The following TCF7L2 variants were observed in gnomAD, a reference collection of about 807,000 sequenced individuals.
TCF7L2 encodes transcription factor 7-like 2.
A neutral mutation model predicts 77.9 loss-of-function variants in TCF7L2; 23 were observed. The ratio of observed to expected loss-of-function variants is 0.30; its 90% CI spans 0.21 to 0.42. TCF7L2 has a LOEUF of 0.42. Among genes scored for constraint, TCF7L2 ranks in the 10% least tolerant of loss-of-function variants. The probability of loss-of-function intolerance (pLI) is 1.00; values close to 1 mark genes in which losing one functional copy is unlikely to be tolerated. For synonymous variants in TCF7L2, 413 were observed against 340.2 expected (o/e 1.21, Z -2.36); for missense variants, 654 against 793.1 (o/e 0.82, Z 2.11).
At chr10:112,978,297 T>G (rs530869208) in intron 4 of TCF7L2, among the ~76,000 whole-genome samples, 1 of 152,248 alleles carries the variant, frequency 6.6e-6, no homozygotes, top group Admixed American at 6.5e-5. Flanking sequence ...TTGCACATAG[T>G]GGGTGCTGAA....
chr10:113,050,506 G>A (rs1423264518), intron 5 of TCF7L2, among the ~76,000 whole-genome samples: 1 of 152,108 alleles, frequency 6.6e-6, no homozygotes, highest in Non-Finnish European at 1.5e-5. Flanking sequence ...GAAAGGAGAC[G>A]CCAACCTTGA....
intron 5 of TCF7L2, among the ~76,000 whole-genome samples, chr10:113,067,479 C>G (rs930910770): frequency 1.3e-5 from 2 of 152,162 alleles, no homozygotes; most frequent in African/African-American, 4.8e-5. Flanking sequence ...CCTCTTCCCC[C>G]ACAAGAAATA....
chr10:112,951,279 T>C lies in TCF7L2; in HGVS notation c.256+6T>C. The C allele has an allele frequency of 7.0e-7, 1 of 1,433,852 alleles. No homozygotes were observed. The highest frequency in any genetic ancestry group is 9.2e-7 in the Non-Finnish European group (1 of 1,084,460). The allele number at this position is 1,433,852 out of a possible 1,614,324, so 88.8% of individuals were successfully genotyped here. A position where few individuals can be genotyped will look rare whatever the true frequency, so the allele number is the denominator to read the frequency against. On this transcript the variant is annotated splice_donor_region_variant and intron_variant, in intron 2 of 13. Coordinates refer to ENST00000627217, the MANE Select transcript of TCF7L2 (RefSeq NM_001146274.2). Reference sequence around the variant, plus strand: ...CCGGGAAAGTTTGGAAGAAGGTGAGTACGCCCCGCGCGCCCCGCAGCCGCC... The same window carrying C: ...CCGGGAAAGTTTGGAAGAAGGTGAGCACGCCCCGCGCGCCCCGCAGCCGCC...
intron 5 of TCF7L2, chr10:113,129,548 C>T (rs1450710263): frequency 9.9e-7 from 1 of 1,011,414 alleles, no homozygotes; most frequent in African/African-American, 1.7e-5. Flanking sequence ...TATTAGTGGA[C>T]TTTTTTGTTT....
chr10:113,019,284 G>A (rs147723986), intron 4 of TCF7L2, among the ~76,000 whole-genome samples: 12 of 152,310 alleles, frequency 7.9e-5, no homozygotes, highest in African/African-American at 2.6e-4. Context: ...GTCAGTCAGG[G>A]GTTAACAGTC....
At chr10:113,128,889 G>T (rs571992982) in intron 5 of TCF7L2, among the ~76,000 whole-genome samples, 5 of 152,258 alleles carry the variant, frequency 3.3e-5, no homozygotes, top group African/African-American at 1.2e-4. Context: ...AGTAAGTCGG[G>T]TTTGTGGAAT....
intron 4 of TCF7L2, among the ~76,000 whole-genome samples, chr10:113,025,480 C>T (rs2048989916): frequency 6.6e-6 from 1 of 152,178 alleles, no homozygotes; most frequent in African/African-American, 2.4e-5. Context: ...CTGAAGTGAT[C>T]TGCCCACCTT....
intron 5 of TCF7L2, among the ~76,000 whole-genome samples, chr10:113,084,810 C>A (rs529787921): frequency 6.6e-6 from 1 of 151,680 alleles, no homozygotes; most frequent in South Asian, 2.1e-4. Flanking sequence ...TCACAAGAAT[C>A]GCTTGAACCC....
chr10:113,152,508 G>A, intron 11 of TCF7L2, 68 bp downstream of exon 11: 2 of 1,342,070 alleles, frequency 1.5e-6, no homozygotes, highest in East Asian at 4.7e-5. Context: ...CGGACAAAGA[G>A]AACAGGACCT....
At chr10:113,110,786 CA>C (rs1280390137) in intron 5 of TCF7L2, among the ~76,000 whole-genome samples, 12 of 152,152 alleles carry the variant, frequency 7.9e-5, no homozygotes, top group Non-Finnish European at 2.9e-5. Flanking sequence ...AGAAGAAATC[CA>C]AATTAATATT....
chr10:113,020,770 G>T (rs2048152500), intron 4 of TCF7L2, among the ~76,000 whole-genome samples: 1 of 152,110 alleles, frequency 6.6e-6, no homozygotes, highest in East Asian at 1.9e-4. Context: ...TAGAGGGGGT[G>T]TGAGGGGGAC....
chr10:112,950,994 C>G (rs1277740815), intron 1 of TCF7L2, 49 bp downstream of exon 1: 1 of 1,564,910 alleles, frequency 6.4e-7, no homozygotes, highest in African/African-American at 1.4e-5. Flanking sequence ...GTTTCCTGGG[C>G]TTGGCAAATG....
intron 4 of TCF7L2, among the ~76,000 whole-genome samples, chr10:113,019,856 G>C (rs1306656667): frequency 6.6e-6 from 1 of 151,746 alleles, no homozygotes; most frequent in Non-Finnish European, 1.5e-5. Context: ...TTAACGAAAA[G>C]TAAACCATCG....
chr10:113,043,802 G>T (rs79565665), intron 5 of TCF7L2, among the ~76,000 whole-genome samples: 14 of 152,160 alleles, frequency 9.2e-5, no homozygotes, highest in Non-Finnish European at 1.9e-4. Context: ...CAAAATGAGT[G>T]CCAAGCAGCT....
At chr10:113,139,887 A>C (rs1026649362) in intron 5 of TCF7L2, among the ~76,000 whole-genome samples, 26 of 151,864 alleles carry the variant, frequency 1.7e-4, no homozygotes, top group African/African-American at 4.6e-4. Flanking sequence ...TCAGCTCAAC[A>C]GGCACTAGTG....
At chr10:113,158,867 T>C (rs1026779199) in intron 12 of TCF7L2, 150 bp downstream of exon 13, 2 of 765,614 alleles carry the variant, frequency 2.6e-6, no homozygotes, top group Admixed American at 3.5e-5. Flanking sequence ...TTCAGTAGAT[T>C]TTTTTTTTCA....
intron 3 of TCF7L2, among the ~76,000 whole-genome samples, chr10:112,964,172 A>G (rs902721566): frequency 2.0e-5 from 3 of 152,016 alleles, no homozygotes; most frequent in Admixed American, 6.6e-5. Context: ...TCTTGCCTAC[A>G]TGTTGCAATT....
intron 5 of TCF7L2, among the ~76,000 whole-genome samples, chr10:113,048,960 A>G (rs2053923395): frequency 6.6e-6 from 1 of 152,112 alleles, no homozygotes. Flanking sequence ...TTTTTAAATT[A>G]ATTATCATAG....
intron 5 of TCF7L2, chr10:113,130,031 ATG>A (rs2066320178): frequency 8.4e-7 from 1 of 1,196,896 alleles, no homozygotes; most frequent in Non-Finnish European, 1.1e-6. Context: ...GGATGTGTGT[ATG>A]TTCGTGTCCA....
Sources: allele counts gnomAD v4.1 joint callset (sites outside exome capture counted in the v4.1 genomes callset), GRCh38; gene constraint gnomAD v4.1.1; transcripts MANE v1.5; gene names NCBI Gene and HGNC (gene_info 2026-07-23, HGNC 2026-07-21).